Variants in RABGAP1L observed in about 807,000 individuals in gnomAD.
RABGAP1L encodes the protein RAB GTPase activating protein 1 like.
A neutral mutation model predicts 137.7 loss-of-function variants in RABGAP1L; 63 were observed. That is an observed-to-expected ratio of 0.46 (90% CI 0.37 to 0.56). The LOEUF (loss-of-function observed/expected upper bound fraction) is 0.56, where lower values mean the gene tolerates loss of function less well. Ranked by LOEUF, RABGAP1L falls within the 20% of genes least tolerant of loss-of-function variation. RABGAP1L has a pLI of 0.00. For synonymous variants in RABGAP1L, 431 were observed against 433.7 expected, an observed-to-expected ratio of 0.99 and a Z score of 0.08; for missense variants, 1,095 against 1,244.0, an observed-to-expected ratio of 0.88 and a Z score of 1.80.
At chr1:174,513,482 T>TA (rs1662537713) in intron 13 of RABGAP1L, among the ~76,000 whole-genome samples, 1 of 152,038 alleles carries the variant, frequency 6.6e-6, no homozygotes, top group South Asian at 2.1e-4. Context: ...GGCTTGGTGA[T>TA]ACATGCCTGT....
intron 3 of RABGAP1L, among the ~76,000 whole-genome samples, chr1:174,221,559 T>C (rs367714549): frequency 9.2e-5 from 14 of 152,196 alleles, no homozygotes; most frequent in African/African-American, 3.4e-4. Flanking sequence ...GTAAAACATA[T>C]CAATTCCAAC....
intron 13 of RABGAP1L, among the ~76,000 whole-genome samples, chr1:174,575,709 ATTT>A (rs1239073799): frequency 6.6e-6 from 1 of 152,158 alleles, no homozygotes; most frequent in Non-Finnish European, 1.5e-5. Flanking sequence ...GGTTTATTGT[ATTT>A]ATTGTGGGAT....
At chr1:174,172,557 A>G (rs1283534214) in intron 1 of RABGAP1L, among the ~76,000 whole-genome samples, 1 of 152,164 alleles carries the variant, frequency 6.6e-6, no homozygotes, top group Non-Finnish European at 1.5e-5. Flanking sequence ...GTGAGGTGAT[A>G]GCTCATTGTG....
intron 13 of RABGAP1L, among the ~76,000 whole-genome samples, chr1:174,621,320 C>A (rs1023796808): frequency 1.3e-5 from 2 of 152,314 alleles, no homozygotes; most frequent in African/African-American, 4.8e-5. Context: ...ATCAAGCTAC[C>A]AATGACTTTC....
chr1:174,175,578 A>G (rs760702126), intron 1 of RABGAP1L, among the ~76,000 whole-genome samples: 6 of 138,788 alleles, frequency 4.3e-5, no homozygotes, highest in Admixed American at 3.6e-4. Context: ...TCCTACCTCA[A>G]CCTCCTGAAT....
At chr1:174,694,815 G>A (rs60941239) in intron 15 of RABGAP1L, among the ~76,000 whole-genome samples, 10,690 of 145,978 alleles carry the variant, frequency 0.073, 424 homozygotes, top group East Asian at 0.18. Context: ...CAGTCCCACC[G>A]ACAGTGTAAA....
At chr1:174,536,123 T>A (rs75110121) in intron 13 of RABGAP1L, among the ~76,000 whole-genome samples, 1 of 152,108 alleles carries the variant, frequency 6.6e-6, no homozygotes, top group African/African-American at 2.4e-5. Flanking sequence ...TTTGCAAATA[T>A]CTTTTGATTG....
chr1:174,786,805 A>AAT (rs1304987178), intron 18 of RABGAP1L, among the ~76,000 whole-genome samples: 5 of 152,274 alleles, frequency 3.3e-5, no homozygotes, highest in Middle Eastern at 3.4e-3. Flanking sequence ...CCCCTAGTTT[A>AAT]ATATATATAT....
At chr1:174,632,529 C>T (rs1673499185) in intron 13 of RABGAP1L, among the ~76,000 whole-genome samples, 1 of 150,500 alleles carries the variant, frequency 6.6e-6, no homozygotes, top group Non-Finnish European at 1.5e-5. Context: ...TTGAGGTACA[C>T]CAATCAGACG....
At chr1:174,799,103 A>G (rs1342471223) in intron 18 of RABGAP1L, among the ~76,000 whole-genome samples, 1 of 152,118 alleles carries the variant, frequency 6.6e-6, no homozygotes, top group Non-Finnish European at 1.5e-5. Flanking sequence ...TACAAAAGTT[A>G]TTTTTGCTTT....
At chr1:174,185,968 A>AC (rs1491107208) in intron 1 of RABGAP1L, among the ~76,000 whole-genome samples, 6 of 151,930 alleles carry the variant, frequency 3.9e-5, no homozygotes, top group South Asian at 2.1e-4. Flanking sequence ...ACATGGAGAA[A>AC]CCCCGTCTTT....
chr1:174,510,360 G>A (rs7554277), intron 13 of RABGAP1L, among the ~76,000 whole-genome samples: 3,214 of 152,158 alleles, frequency 0.021, 117 homozygotes, highest in African/African-American at 0.074. Context: ...TATGTCACAC[G>A]TAGCAGGTAC....
At chr1:174,264,292 T>C (rs1673857906) in intron 7 of RABGAP1L, among the ~76,000 whole-genome samples, 1 of 152,140 alleles carries the variant, frequency 6.6e-6, no homozygotes, top group Non-Finnish European at 1.5e-5. Context: ...TTAATTCTTT[T>C]ATAATATGAA....
chr1:174,983,735 A>G (rs1462837138), intron 24 of RABGAP1L, among the ~76,000 whole-genome samples: 1 of 152,254 alleles, frequency 6.6e-6, no homozygotes, highest in Non-Finnish European at 1.5e-5. Flanking sequence ...GATAATGAAT[A>G]TAAAGTACAT....
chr1:174,985,258 T>G (rs149660523), intron 24 of RABGAP1L, among the ~76,000 whole-genome samples: 1,560 of 152,200 alleles, frequency 0.01, 28 homozygotes, highest in African/African-American at 0.036. Context: ...CCGGATGTGG[T>G]GGCATGCACC....
chr1:174,674,222 ATGC>A, intron 14 of RABGAP1L, among the ~76,000 whole-genome samples: 1 of 149,736 alleles, frequency 6.7e-6, no homozygotes, highest in African/African-American at 2.5e-5. Context: ...GTATCTCCTA[ATGC>A]TATCCTTCCC....
intron 18 of RABGAP1L, among the ~76,000 whole-genome samples, chr1:174,779,306 C>G (rs1686771373): frequency 6.6e-6 from 1 of 152,114 alleles, no homozygotes; most frequent in African/African-American, 2.4e-5. Flanking sequence ...CTCTTTCTGC[C>G]CAAAATGAAC....
intron 14 of RABGAP1L, among the ~76,000 whole-genome samples, chr1:174,667,650 C>A (rs1441072820): frequency 6.6e-6 from 1 of 152,180 alleles, no homozygotes; most frequent in Non-Finnish European, 1.5e-5. Context: ...GTCAAGTTTG[C>A]AGCACTTCTG....
At chr1:174,526,767 G>A (rs1418191286) in intron 13 of RABGAP1L, among the ~76,000 whole-genome samples, 2 of 151,820 alleles carry the variant, frequency 1.3e-5, no homozygotes, top group Non-Finnish European at 2.9e-5. Flanking sequence ...TCTTTTCAAA[G>A]AACCAATTTT....
Sources: gnomAD v4.1 joint callset for allele counts (sites outside exome capture counted in the v4.1 genomes callset) on GRCh38, gnomAD v4.1.1 for gene constraint, MANE v1.5 for transcripts, NCBI Gene and HGNC (gene_info 2026-07-23, HGNC 2026-07-21) for gene names.